CTDSP2: variants seen among roughly 807,000 people sequenced by gnomAD.
CTDSP2 encodes carboxy-terminal domain RNA polymerase II polypeptide A small phosphatase 2.
CTDSP2 carries 9 observed loss-of-function variants against 31.6 expected under a neutral mutation model. The observed-to-expected ratio is 0.28, with a 90% CI of 0.17 to 0.50. The LOEUF (loss-of-function observed/expected upper bound fraction) is 0.50. Among genes scored for constraint, CTDSP2 ranks in the 20% least tolerant of loss-of-function variants. The pLI is 0.98. For synonymous variants in CTDSP2, 134 were observed against 134.5 expected, an observed-to-expected ratio of 1.00 and a Z score of 0.03; for missense variants, 267 against 348.5, an observed-to-expected ratio of 0.77 and a Z score of 1.86.
At position 57,823,365 on chromosome 12, in the gene CTDSP2, ACT is replaced by A. The variant is rs1375121758; in HGVS notation, c.*235_*236del. The A allele has an allele frequency of 1.8e-6, 1 of 553,500 alleles. No individual in the cohort carries two copies. Among genetic ancestry groups the A allele is most frequent in the African/African-American group, 1.9e-5 (1 of 52,854 alleles). The allele number at this position is 553,500 out of a possible 1,614,324, so 34.3% of individuals were successfully genotyped here. A position where few individuals can be genotyped will look rare whatever the true frequency, so the allele number is the denominator to read the frequency against. On this transcript the variant is annotated 3_prime_UTR_variant, in exon 8 of 8. Transcript: ENST00000398073. ...TGGCAAAACACACACACAAACACAC[ACT>A]CTCTCACAGTCAAACACACATCTCA...
intron 1 of CTDSP2, among the ~76,000 whole-genome samples, chr12:57,841,355 T>C (rs1433810271): frequency 6.6e-6 from 1 of 152,226 alleles, no homozygotes; most frequent in African/African-American, 2.4e-5. Flanking sequence ...CCCCCTCTTA[T>C]TAAAATTACC....
In CTDSP2 at chr12:57,846,355, G is replaced by A; in HGVS notation, c.64+17C>T. ...GCCCGGGGGCGACGCAAAGTTTTGG[G>A]AAGTTGCTGCCCCTACCTTGCTTGG... On this transcript the variant is annotated intron_variant, in intron 1 of 7. Transcript: ENST00000398073. 6.2e-7 allele frequency: 1 copy of A among 1,601,644 alleles called. No individual in the cohort carries two copies. The highest frequency in any genetic ancestry group is 8.5e-7 in the Non-Finnish European group (1 of 1,174,292).
intron 1 of CTDSP2, among the ~76,000 whole-genome samples, chr12:57,842,940 A>G (rs1956291653): frequency 6.6e-6 from 1 of 152,076 alleles, no homozygotes; most frequent in Non-Finnish European, 1.5e-5. Context: ...GGATAACAAA[A>G]GAGCTAGCCA....
chr12:57,843,727 A>C (rs1166268252), intron 1 of CTDSP2, among the ~76,000 whole-genome samples: 1 of 152,216 alleles, frequency 6.6e-6, no homozygotes, highest in East Asian at 1.9e-4. Context: ...AAGGAACTCC[A>C]AAAGGAGCCA....
At chr12:57,839,030 A>G (rs1374175539) in intron 1 of CTDSP2, among the ~76,000 whole-genome samples, 1 of 152,208 alleles carries the variant, frequency 6.6e-6, no homozygotes, top group Non-Finnish European at 1.5e-5. Context: ...CACAAAAACG[A>G]ATCAGTCGCA....
chr12:57,828,508 A>G (rs1455787648), intron 2 of CTDSP2, among the ~76,000 whole-genome samples: 1 of 152,184 alleles, frequency 6.6e-6, no homozygotes, highest in East Asian at 1.9e-4. Context: ...TAGATAAACA[A>G]TGTGGCATTC....
chr12:57,846,575 G>T lies in CTDSP2; in HGVS notation c.-140C>A, dbSNP rs984775330. ...CACAGCTGTTCACATCCCCCCTCTC[G>T]TTTCCTCCCCGGACCGGGAAGGGAG... is the stretch of plus-strand genomic sequence containing the variant. On this transcript the variant is annotated 5_prime_UTR_variant, in exon 1 of 8. Coordinates refer to ENST00000398073, the MANE Select transcript of CTDSP2 (RefSeq NM_005730.4). 3 of 682,982 alleles carry T rather than the reference G, an allele frequency of 4.4e-6. No homozygotes were observed. Among genetic ancestry groups the T allele is most frequent in the Non-Finnish European group, 6.7e-6 (3 of 446,780 alleles). 42.3% of individuals were successfully genotyped at this position (682,982 alleles called of 1,614,324 possible).
At chr12:57,843,390 ATCTG>A (rs1189591450) in intron 1 of CTDSP2, among the ~76,000 whole-genome samples, 1 of 152,172 alleles carries the variant, frequency 6.6e-6, no homozygotes, top group Non-Finnish European at 1.5e-5. Context: ...CATTTCACCC[ATCTG>A]TCTGGGAAGA....
Position 57,829,570 on chromosome 12 carries a change from T to G in CTDSP2, c.91A>C (p.Lys31Gln). 1 of 1,614,082 alleles carries G rather than the reference T, an allele frequency of 6.2e-7. No individual in the cohort carries two copies. Among genetic ancestry groups the G allele is most frequent in the Non-Finnish European group, 8.5e-7 (1 of 1,179,996 alleles). The change falls in exon 2 of 8, where the codon AAG (lysine) becomes CAG (glutamine). Residue 31 changes from lysine to glutamine, a missense_variant. Physicochemically the swap from Lys to Gln is moderately conservative, Grantham distance 53. Coordinates refer to ENST00000398073, the MANE Select transcript of CTDSP2 (RefSeq NM_005730.4). ...TTGAAGATGTTACGTCCACGAGGCT[T>G]CTTAGGAGAGGACTTGGAGACCAGG... ...QGLVSKSSPK[K>Q]PRGRNIFKAL...
intron 1 of CTDSP2, among the ~76,000 whole-genome samples, chr12:57,840,480 C>G (rs1956276116): frequency 6.6e-6 from 1 of 152,178 alleles, no homozygotes; most frequent in South Asian, 2.1e-4. Context: ...CCTGGGTCTG[C>G]TGTCTCTACC....
chr12:57,833,736 T>C (rs533777086), intron 1 of CTDSP2, among the ~76,000 whole-genome samples: 1 of 152,278 alleles, frequency 6.6e-6, no homozygotes, highest in Non-Finnish European at 1.5e-5. Flanking sequence ...CTCCACTAGT[T>C]TGCAACAGCC....
chr12:57,827,316 G>A, intron 3 of CTDSP2: 1 of 628,396 alleles, frequency 1.6e-6, no homozygotes, highest in South Asian at 1.9e-5. Context: ...GTGGTGGCCA[G>A]GGCAGGTGTG....
At chr12:57,836,073 G>A (rs1188822923) in intron 1 of CTDSP2, among the ~76,000 whole-genome samples, 3 of 152,162 alleles carry the variant, frequency 2.0e-5, no homozygotes, top group Non-Finnish European at 2.9e-5. Context: ...ATTCCAGGAG[G>A]CCAGCAACAG....
intron 1 of CTDSP2, among the ~76,000 whole-genome samples, chr12:57,840,611 C>CT (rs1387957838): frequency 4.6e-5 from 7 of 152,152 alleles, no homozygotes; most frequent in Non-Finnish European, 8.8e-5. Flanking sequence ...CATGAGTCTG[C>CT]TTGGCTCTCA....
intron 2 of CTDSP2, among the ~76,000 whole-genome samples, chr12:57,828,373 C>T (rs370394521): frequency 2.7e-5 from 4 of 150,462 alleles, no homozygotes; most frequent in East Asian, 2.0e-4. Flanking sequence ...GAGCCAAGAT[C>T]GCACGCCATT....
At chr12:57,828,723 GTA>G (rs1226154037) in intron 2 of CTDSP2, among the ~76,000 whole-genome samples, 1 of 152,220 alleles carries the variant, frequency 6.6e-6, no homozygotes, top group East Asian at 1.9e-4. Context: ...TTTCACTGAT[GTA>G]TGTCTTCAGC....
Position 57,824,096 on chromosome 12 carries a change from G to A in CTDSP2, c.505-7C>T, listed in dbSNP as rs1353175277. On this transcript the variant is annotated splice_region_variant and splice_polypyrimidine_tract_variant and intron_variant, in intron 6 of 7. Transcript: ENST00000398073. ...CTGTCACAGGGTCGGCATACTAGGA[G>A]GAGAGAAGATGCCTTAGTTTGGATA... 1 of 1,613,698 alleles carries A rather than the reference G, an allele frequency of 6.2e-7. No individual in the cohort carries two copies. Among genetic ancestry groups the A allele is most frequent in the Non-Finnish European group, 8.5e-7 (1 of 1,179,876 alleles).
chr12:57,823,022 G>C lies in CTDSP2; in HGVS notation c.*580C>G, dbSNP rs965436933. 5 of 155,254 alleles carry C rather than the reference G, an allele frequency of 3.2e-5. No individual in the cohort carries two copies. The highest frequency in any genetic ancestry group is 1.2e-4 in the African/African-American group (5 of 41,480). The allele number at this position is 155,254 out of a possible 1,614,324, so 9.6% of individuals were successfully genotyped here. A position where few individuals can be genotyped will look rare whatever the true frequency, so the allele number is the denominator to read the frequency against. On this transcript the variant is annotated 3_prime_UTR_variant, in exon 8 of 8. Coordinates refer to ENST00000398073, the MANE Select transcript of CTDSP2 (RefSeq NM_005730.4). Reference sequence around the variant, plus strand: ...AGCCTTTGGGCCACAAGACCTGATGGCCACTGGATGCTGGTCTGGAAACAA... The same window carrying C: ...AGCCTTTGGGCCACAAGACCTGATGCCCACTGGATGCTGGTCTGGAAACAA...
intron 6 of CTDSP2, 26 bp downstream of exon 6, chr12:57,824,201 G>A (rs1197258209): frequency 6.2e-7 from 1 of 1,611,606 alleles, no homozygotes; most frequent in African/African-American, 1.3e-5. Flanking sequence ...ACCCACTCCT[G>A]GTTCTTCCCT....
Sources: gnomAD v4.1 joint callset for allele counts (sites outside exome capture counted in the v4.1 genomes callset) on GRCh38, gnomAD v4.1.1 for gene constraint, MANE v1.5 for transcripts, NCBI Gene and HGNC (gene_info 2026-07-23, HGNC 2026-07-21) for gene names.